The following TGFBR3 variants were observed in gnomAD, a reference collection of about 807,000 sequenced individuals.
The protein encoded by TGFBR3 is transforming growth factor beta receptor type 3.
TGFBR3 carries 46 observed loss-of-function variants against 87.9 expected under a neutral mutation model. That is an observed-to-expected ratio of 0.52 (90% CI 0.41 to 0.67). The LOEUF (loss-of-function observed/expected upper bound fraction) is 0.67, where lower values mean the gene tolerates loss of function less well. TGFBR3 is among the 30% of genes least tolerant of loss of function. The pLI is 0.00. For synonymous variants in TGFBR3, 381 were observed against 391.6 expected (o/e 0.97, Z 0.32); for missense variants, 866 against 1,041.9 (o/e 0.83, Z 2.32).
intron 2 of TGFBR3, among the ~76,000 whole-genome samples, chr1:91,839,503 C>G (rs1677189222): frequency 6.6e-6 from 1 of 152,188 alleles, no homozygotes; most frequent in African/African-American, 2.4e-5. Context: ...AGACATCACT[C>G]TAGCCAAGTG....
intron 2 of TGFBR3, among the ~76,000 whole-genome samples, chr1:91,897,810 A>C (rs1158770713): frequency 6.6e-6 from 1 of 152,200 alleles, no homozygotes; most frequent in Non-Finnish European, 1.5e-5. Context: ...AAAAATGCAA[A>C]GAATATAACA....
rs749801851 is a variant in TGFBR3, at chr1:91,680,632, C to T, written c.*3107G>A. 22 of 453,952 alleles carry T rather than the reference C, an allele frequency of 4.8e-5. No individual in the cohort carries two copies. Among genetic ancestry groups the T allele is most frequent in the South Asian group, 3.4e-4 (22 of 64,482 alleles). The allele number at this position is 453,952 out of a possible 1,614,324, so 28.1% of individuals were successfully genotyped here. On this transcript the variant is annotated 3_prime_UTR_variant, in exon 17 of 17. Transcript: ENST00000212355. ...TTTTTAGAAAAACATCTGTCAGTTT[C>T]ATGAACAACCCCCAGATAAAACAAA... is the stretch of plus-strand genomic sequence containing the variant.
chr1:91,895,544 C>T (rs1679536102), intron 2 of TGFBR3, among the ~76,000 whole-genome samples: 2 of 152,120 alleles, frequency 1.3e-5, no homozygotes, highest in Admixed American at 1.3e-4. Context: ...TAGTCTCAAA[C>T]TCCTGGCCTT....
chr1:91,729,059 CA>C (rs1672654582), intron 6 of TGFBR3, among the ~76,000 whole-genome samples: 1 of 127,300 alleles, frequency 7.9e-6, no homozygotes, highest in Non-Finnish European at 1.7e-5. Flanking sequence ...CACACACACA[CA>C]CACACACACA....
chr1:91,724,429 C>G (rs564096199), intron 7 of TGFBR3, among the ~76,000 whole-genome samples: 1 of 152,340 alleles, frequency 6.6e-6, no homozygotes, highest in Admixed American at 6.5e-5. Context: ...CTCATCTGCC[C>G]TAGTCTCTTT....
intron 2 of TGFBR3, among the ~76,000 whole-genome samples, chr1:91,799,971 A>C (rs911751052): frequency 6.6e-6 from 1 of 152,064 alleles, no homozygotes; most frequent in Non-Finnish European, 1.5e-5. Context: ...AACAGGGCAA[A>C]CACCCTCTTT....
Position 91,903,338 on chromosome 1 carries a change from CAAAA to C in TGFBR3, c.-175+2484_-175+2487del, listed in dbSNP as rs58672104. On this transcript the variant is annotated intron_variant, in intron 1 of 17. Transcript: ENST00000370399. ...TGGGAGACAGAGTGAGATTCTGCCT[CAAAA>C]AAAAAAAAAAAAAAAAAAAAAAAAT... Among the ~76,000 whole-genome samples the C allele has an allele frequency of 8.9e-3, 450 of 50,480 alleles. 5 individuals are homozygous for C. The highest frequency in any genetic ancestry group is 0.028 in the African/African-American group (404 of 14,456). 33.1% of individuals were successfully genotyped at this position (50,480 alleles called of 152,430 possible). A position where few individuals can be genotyped will look rare whatever the true frequency, so the allele number is the denominator to read the frequency against.
chr1:91,874,277 TC>T (rs1383771142), intron 1 of TGFBR3, among the ~76,000 whole-genome samples: 1 of 152,062 alleles, frequency 6.6e-6, no homozygotes, highest in Non-Finnish European at 1.5e-5. Context: ...GGAAAAACAT[TC>T]CAAGCAAAGG....
At chr1:91,844,675 A>C (rs1677406761) in intron 2 of TGFBR3, among the ~76,000 whole-genome samples, 1 of 152,210 alleles carries the variant, frequency 6.6e-6, no homozygotes, top group Non-Finnish European at 1.5e-5. Flanking sequence ...AAATCATTTA[A>C]AGTCTTCAAT....
At chr1:91,718,351 C>T (rs2100777268) in intron 10 of TGFBR3, among the ~76,000 whole-genome samples, 1 of 152,212 alleles carries the variant, frequency 6.6e-6, no homozygotes, top group East Asian at 1.9e-4. Flanking sequence ...CCCACAGGAA[C>T]CACGCTGACC....
rs1215409309 is a variant in TGFBR3, at chr1:91,723,600, T to TTTGTTTG, written c.886-1457_886-1456insCAAACAA. Among the ~76,000 whole-genome samples, 20 of 152,140 alleles carry TTTGTTTG rather than the reference T, an allele frequency of 1.3e-4. No individual in the cohort carries two copies. In the East Asian group the frequency reaches 3.7e-3, roughly 28 times the overall value. Reference sequence around the variant, plus strand: ...AAATGGACTCTACTCAACCAGGTTATTCAACAAGGACATGGAAGGTAAATT... The same window carrying TTTGTTTG: ...AAATGGACTCTACTCAACCAGGTTATTTGTTTGTCAACAAGGACATGGAAGGTAAATT... On this transcript the variant is annotated intron_variant, in intron 7 of 16. Coordinates refer to ENST00000212355, the MANE Select transcript of TGFBR3 (RefSeq NM_003243.5).
At chr1:91,809,334 A>G (rs562159687) in intron 2 of TGFBR3, among the ~76,000 whole-genome samples, 1 of 152,370 alleles carries the variant, frequency 6.6e-6, no homozygotes, top group South Asian at 2.1e-4. Flanking sequence ...GAGGAATAAC[A>G]TGCATTGCAT....
intron 2 of TGFBR3, among the ~76,000 whole-genome samples, chr1:91,823,819 T>C (rs996246413): frequency 7.2e-5 from 11 of 152,230 alleles, no homozygotes; most frequent in Admixed American, 6.5e-5. Flanking sequence ...TTAATACTCA[T>C]CAAAATGTAC....
At chr1:91,721,919 G>C in intron 8 of TGFBR3, 36 bp downstream of exon 8, 1 of 1,589,626 alleles carries the variant, frequency 6.3e-7, no homozygotes, top group Non-Finnish European at 8.6e-7. Context: ...CATTTGGGGG[G>C]TATTTTTTAC....
chr1:91,733,330 G>A (rs1421436684), intron 5 of TGFBR3, among the ~76,000 whole-genome samples: 11 of 152,226 alleles, frequency 7.2e-5, no homozygotes, highest in Non-Finnish European at 5.9e-5. Flanking sequence ...GATGTGAGCA[G>A]GTTCACTTAG....
intron 1 of TGFBR3, among the ~76,000 whole-genome samples, chr1:91,882,987 A>G (rs937094842): frequency 6.6e-6 from 1 of 152,168 alleles, no homozygotes; most frequent in African/African-American, 2.4e-5. Context: ...AGAAGATGTT[A>G]ATGAAAGATG....
rs533412998 is a variant in TGFBR3 at position 91,904,542 on chromosome 1, G to A, written c.-175+1284C>T. On this transcript the variant is annotated intron_variant, in intron 1 of 17. Transcript: ENST00000370399. ...CTCCCAGGTAGCTGGGATTACAGAC[G>A]CGTGCCACCACATGCAGCTGATTTT... is the stretch of plus-strand genomic sequence containing the variant. 4.1e-5 allele frequency among the ~76,000 whole-genome samples: 6 copies of A among 147,406 alleles called. No individual in the cohort carries two copies. In the East Asian group the frequency reaches 6.0e-4, roughly 15 times the overall value.
intron 6 of TGFBR3, among the ~76,000 whole-genome samples, chr1:91,729,150 TACACACACACACACACACAC>T (rs57364204): frequency 0.011 from 752 of 66,908 alleles, 19 homozygotes; most frequent in African/African-American, 0.039. Flanking sequence ...CACTCCAGCA[TACACACACACACACACACAC>T]ACACACACAC....
intron 1 of TGFBR3, among the ~76,000 whole-genome samples, chr1:91,902,371 C>CG (rs1335817223): frequency 6.6e-6 from 1 of 151,762 alleles, no homozygotes; most frequent in African/African-American, 2.4e-5. Flanking sequence ...CTCAAACTCT[C>CG]GGACTCAAGC....
Sources: gnomAD v4.1 joint callset for allele counts (sites outside exome capture counted in the v4.1 genomes callset) on GRCh38, gnomAD v4.1.1 for gene constraint, MANE v1.5 for transcripts, NCBI Gene and HGNC (gene_info 2026-07-23, HGNC 2026-07-21) for gene names.